Variants in GDF3 observed in about 807,000 individuals in gnomAD.
GDF3 encodes the protein growth/differentiation factor 3.
A neutral mutation model predicts 10.2 loss-of-function variants in GDF3; 10 were observed. The ratio of observed to expected loss-of-function variants is 0.98; its 90% CI spans 0.60 to 1.66. GDF3 has a LOEUF of 1.66. Ranked by LOEUF, GDF3 falls within the 40% of genes most tolerant of loss-of-function variation. The probability of loss-of-function intolerance (pLI) is 0.00; values close to 1 mark genes in which losing one functional copy is unlikely to be tolerated. For missense variants in GDF3, 450 were observed against 438.3 expected (o/e 1.03, Z -0.24); for synonymous variants, 166 against 178.5 (o/e 0.93, Z 0.56).
chr12:7,693,186 G>A (rs1054876605), intron 1 of GDF3, among the ~76,000 whole-genome samples: 5 of 151,638 alleles, frequency 3.3e-5, no homozygotes, highest in Admixed American at 2.0e-4. Context: ...ATGACTTCAC[G>A]CTTGAGTAGG....
In GDF3 at chr12:7,689,804, G is replaced by C; in HGVS notation, c.*74C>G. 1 of 996,162 alleles carries C rather than the reference G, an allele frequency of 1.0e-6. No homozygotes were observed. Among genetic ancestry groups the C allele is most frequent in the Admixed American group, 1.7e-5 (1 of 59,066 alleles). The allele number at this position is 996,162 out of a possible 1,614,324, so 61.7% of individuals were successfully genotyped here. ...GTATATTGACATTTCGATCTAAGTG[G>C]TCATAAACCAGATAGGTAGTTTTAT... On this transcript the variant is annotated 3_prime_UTR_variant, in exon 2 of 2. Coordinates refer to ENST00000329913, the MANE Select transcript of GDF3 (RefSeq NM_020634.3).
Position 7,695,518 on chromosome 12 carries a change from A to T in GDF3, c.211T>A (p.Cys71Ser), listed in dbSNP as rs747276140. 1 of 1,614,172 alleles carries T rather than the reference A, an allele frequency of 6.2e-7. No homozygotes were observed. Among genetic ancestry groups the T allele is most frequent in the Non-Finnish European group, 8.5e-7 (1 of 1,180,028 alleles). The change falls in exon 1 of 2, where the codon TGC becomes AGC. Residue 71 changes from cysteine (C) to serine (S), a missense_variant. By Grantham distance (112) the Cys-to-Ser change is moderately radical (BLOSUM62 -1). Transcript: ENST00000329913. ...CGGACGCCCAGCTCCTTTACGTAGCATAAGTCTCGGGAGACCCCAGTGGTC... is the reference window on the plus strand; with the variant it reads ...CGGACGCCCAGCTCCTTTACGTAGCTTAAGTCTCGGGAGACCCCAGTGGTC... ...AATTGVSRDL[C>S]YVKELGVRGN...
At chr12:7,693,751 G>C (rs1864155557) in intron 1 of GDF3, among the ~76,000 whole-genome samples, 1 of 151,486 alleles carries the variant, frequency 6.6e-6, no homozygotes, top group Admixed American at 6.6e-5. Flanking sequence ...TTAGAGACCA[G>C]CCTCATGGTG....
In GDF3 at chr12:7,695,518, A is replaced by AT. The variant is rs1565450369; in HGVS notation, c.210dup (p.Cys71MetfsTer42). 4 of 1,614,172 alleles carry AT rather than the reference A, an allele frequency of 2.5e-6. No individual in the cohort carries two copies. The highest frequency in any genetic ancestry group is 1.7e-5 in the Admixed American group (1 of 59,994). On this transcript the variant is annotated frameshift_variant, in exon 1 of 2. Transcript: ENST00000329913. LOFTEE classifies it high-confidence loss of function. ...CGGACGCCCAGCTCCTTTACGTAGC[A>AT]TAAGTCTCGGGAGACCCCAGTGGTC...
At chr12:7,691,875 A>T (rs7137362) in intron 1 of GDF3, among the ~76,000 whole-genome samples, 10 of 151,682 alleles carry the variant, frequency 6.6e-5, no homozygotes, top group Middle Eastern at 6.8e-3. Flanking sequence ...GGCAAGGTGG[A>T]GGGTGCCTGT....
intron 1 of GDF3, among the ~76,000 whole-genome samples, chr12:7,692,684 A>T (rs899739161): frequency 2.6e-5 from 4 of 151,846 alleles, no homozygotes; most frequent in Non-Finnish European, 5.9e-5. Flanking sequence ...TTGTATTTTT[A>T]GTAGAGACGG....
chr12:7,690,995 C>CA (rs1195673720), intron 1 of GDF3, among the ~76,000 whole-genome samples: 4 of 151,974 alleles, frequency 2.6e-5, no homozygotes, highest in Admixed American at 1.3e-4. Context: ...ACTAAAAATA[C>CA]AAAAATTAGC....
intron 1 of GDF3, among the ~76,000 whole-genome samples, chr12:7,692,918 C>T (rs935993687): frequency 2.0e-5 from 3 of 151,710 alleles, no homozygotes; most frequent in Admixed American, 2.0e-4. Context: ...ATTACAGTCA[C>T]GAGCCACTGT....
intron 1 of GDF3, among the ~76,000 whole-genome samples, chr12:7,694,093 A>C (rs1592074159): frequency 6.6e-6 from 1 of 152,250 alleles, no homozygotes; most frequent in Non-Finnish European, 1.5e-5. Flanking sequence ...ATGCTCTAGA[A>C]GGAATAGACT....
In GDF3 at chr12:7,695,702, A is replaced by C; in HGVS notation, c.27T>G (p.Ala9=). The C allele has an allele frequency of 6.2e-7, 1 of 1,614,200 alleles. No homozygotes were observed. The highest frequency in any genetic ancestry group is 8.5e-7 in the Non-Finnish European group (1 of 1,180,038). MLRFLPDL[A]FSFLLILALG... ...AAGCCAGAATTAACAGGAAGCTGAAAGCCAAATCTGGCAAGAAACGAAGCA... is the reference window on the plus strand; with the variant it reads ...AAGCCAGAATTAACAGGAAGCTGAACGCCAAATCTGGCAAGAAACGAAGCA... Residue 9 remains alanine, a synonymous_variant, in exon 1 of 2, where the codon GCT becomes GCG. Coordinates refer to ENST00000329913, the MANE Select transcript of GDF3 (RefSeq NM_020634.3).
chr12:7,690,625 G>A lies in GDF3; in HGVS notation c.348C>T (p.Ile116=). The change falls in exon 2 of 2, where the codon ATC becomes ATT. Residue 116 remains isoleucine (I), a synonymous_variant. Transcript: ENST00000329913. Reference sequence around the variant, plus strand: ...CCAATGTCAACTGTTCCCTTTCTTTGATGGCAGACAGGTTAAAGTAGAGGA... The same window carrying A: ...CCAATGTCAACTGTTCCCTTTCTTTAATGGCAGACAGGTTAAAGTAGAGGA... The part of the protein sequence containing the change: ...QKLLYFNLSA[I]KEREQLTLAQ... 1 of 1,608,958 alleles carries A rather than the reference G, an allele frequency of 6.2e-7. No individual in the cohort carries two copies. The highest frequency in any genetic ancestry group is 8.5e-7 in the Non-Finnish European group (1 of 1,178,512).
Position 7,691,524 on chromosome 12 carries a change from T to C in GDF3, c.269-820A>G, listed in dbSNP as rs373608497. On this transcript the variant is annotated intron_variant, in intron 1 of 1. Coordinates refer to ENST00000329913, the MANE Select transcript of GDF3 (RefSeq NM_020634.3). Reference sequence around the variant, plus strand: ...GAGTTTGAGACCATCCTGGGCAACATAGTGAAACCCCATCTCTACAAAATA... The same window carrying C: ...GAGTTTGAGACCATCCTGGGCAACACAGTGAAACCCCATCTCTACAAAATA... 2.3e-3 allele frequency among the ~76,000 whole-genome samples: 331 copies of C among 145,138 alleles called. 4 individuals carry two copies. The highest frequency in any genetic ancestry group is 8.2e-3 in the African/African-American group (314 of 38,408).
Position 7,695,760 on chromosome 12 carries a change from G to A in GDF3, c.-32C>T. 6.2e-7 allele frequency: 1 copy of A among 1,612,974 alleles called. No individual in the cohort carries two copies. The highest frequency in any genetic ancestry group is 8.5e-7 in the Non-Finnish European group (1 of 1,179,340). On this transcript the variant is annotated 5_prime_UTR_variant, in exon 1 of 2. Transcript: ENST00000329913. ...TGGAGTGGCTGTCAGACCGGGGAGA[G>A]CTCCACTGCCAGACTGCCCAACAAT...
In GDF3 at chr12:7,695,515, A is replaced by G; in HGVS notation, c.214T>C (p.Tyr72His). ...ATTGVSRDLC[Y>H]VKELGVRGNV... ...CCGCGGACGCCCAGCTCCTTTACGTAGCATAAGTCTCGGGAGACCCCAGTG... is the reference window on the plus strand; with the variant it reads ...CCGCGGACGCCCAGCTCCTTTACGTGGCATAAGTCTCGGGAGACCCCAGTG... The change falls in exon 1 of 2, where the codon TAC becomes CAC. Residue 72 changes from tyrosine to histidine, a missense_variant. By Grantham distance (83) the Tyr-to-His change is moderately conservative (BLOSUM62 2). Coordinates refer to ENST00000329913, the MANE Select transcript of GDF3 (RefSeq NM_020634.3). 1 of 1,614,074 alleles carries G rather than the reference A, an allele frequency of 6.2e-7. No individual in the cohort carries two copies. The highest frequency in any genetic ancestry group is 8.5e-7 in the Non-Finnish European group (1 of 1,179,988).
intron 1 of GDF3, among the ~76,000 whole-genome samples, chr12:7,692,779 C>T (rs1864146516): frequency 6.6e-6 from 1 of 152,020 alleles, no homozygotes; most frequent in Admixed American, 6.6e-5. Context: ...GTTGGGATTA[C>T]AGGCAAAAGC....
At chr12:7,692,039 G>GTT (rs1213847988) in intron 1 of GDF3, among the ~76,000 whole-genome samples, 2 of 151,756 alleles carry the variant, frequency 1.3e-5, no homozygotes, top group African/African-American at 4.8e-5. Flanking sequence ...AATAAAAAAA[G>GTT]TTTTAAAAAA....
At position 7,692,441 on chromosome 12, in the gene GDF3, A is replaced by G. The variant is rs1032207128; in HGVS notation, c.269-1737T>C. Among the ~76,000 whole-genome samples the G allele has an allele frequency of 6.6e-5, 10 of 152,048 alleles. No individual in the cohort carries two copies. In the East Asian group the frequency reaches 1.4e-3, roughly 21 times the overall value. Reference sequence around the variant, plus strand: ...GCAAAACTCCGTCTCAGTTAAAAAAAAAAAAAAAATAGCAACCTAGACAGT... The same window carrying G: ...GCAAAACTCCGTCTCAGTTAAAAAAGAAAAAAAAATAGCAACCTAGACAGT... On this transcript the variant is annotated intron_variant, in intron 1 of 1. Coordinates refer to ENST00000329913, the MANE Select transcript of GDF3 (RefSeq NM_020634.3).
At chr12:7,690,814 A>G in intron 1 of GDF3, 110 bp from the exon 2 acceptor site, 2 of 703,850 alleles carry the variant, frequency 2.8e-6, no homozygotes, top group Non-Finnish European at 5.0e-6. Context: ...GCAGGGAAAG[A>G]CACAAGCCCT....
chr12:7,695,591 A>G lies in GDF3; in HGVS notation c.138T>C (p.Pro46=), dbSNP rs1864174938. ...AAATTTTCTTCAAGATATAAGGCAC[A>G]GGTTGGAACTTCTGGGGTGAAGGCG... ...DKAPSPQKFQ[P]VPYILKKIFQ... Residue 46 remains proline (P), a synonymous_variant, in exon 1 of 2, where the codon CCT becomes CCC. Transcript: ENST00000329913. The G allele has an allele frequency of 6.2e-7, 1 of 1,614,042 alleles. No homozygotes were observed. Among genetic ancestry groups the G allele is most frequent in the African/African-American group, 1.3e-5 (1 of 74,928 alleles).
Sources: gnomAD v4.1 joint callset for allele counts (sites outside exome capture counted in the v4.1 genomes callset) on GRCh38, gnomAD v4.1.1 for gene constraint, MANE v1.5 for transcripts, NCBI Gene and HGNC (gene_info 2026-07-23, HGNC 2026-07-21) for gene names.